HIVEP1: variants seen among roughly 807,000 people sequenced by gnomAD.
The protein encoded by HIVEP1 is zinc finger protein 40.
A neutral mutation model predicts 180.0 loss-of-function variants in HIVEP1; 36 were observed. The observed-to-expected ratio is 0.20, with a 90% CI of 0.15 to 0.26. The LOEUF is 0.26. HIVEP1 is among the 10% of genes least tolerant of loss of function. HIVEP1 has a pLI of 1.00. For synonymous variants in HIVEP1, 1,239 were observed against 1,239.0 expected, an observed-to-expected ratio of 1.00 and a Z score of 0.00; for missense variants, 3,143 against 3,268.7, an observed-to-expected ratio of 0.96 and a Z score of 0.94.
chr6:12,010,457 A>C (rs770630209), upstream of HIVEP1, among the ~76,000 whole-genome samples: 5 of 152,146 alleles, frequency 3.3e-5, no homozygotes, highest in Non-Finnish European at 5.9e-5. Flanking sequence ...TTAGGGGTCA[A>C]CTCCAGCAGG....
chr6:12,045,018 C>T (rs1329150794), intron 2 of HIVEP1, among the ~76,000 whole-genome samples: 1 of 152,222 alleles, frequency 6.6e-6, no homozygotes, highest in African/African-American at 2.4e-5. Flanking sequence ...TGTTTATTTT[C>T]TGGTTCTAGG....
intron 2 of HIVEP1, among the ~76,000 whole-genome samples, chr6:12,057,117 A>G (rs1256070644): frequency 6.6e-6 from 1 of 152,082 alleles, no homozygotes; most frequent in East Asian, 1.9e-4. Flanking sequence ...GTAAGCATAG[A>G]TTTTTCTGAT....
At chr6:12,138,496 A>G (rs192418738) in intron 7 of HIVEP1, among the ~76,000 whole-genome samples, 1 of 152,284 alleles carries the variant, frequency 6.6e-6, no homozygotes, top group African/African-American at 2.4e-5. Flanking sequence ...TGGAGGGTGC[A>G]CTGTTTCTAG....
At chr6:12,127,824 G>A (rs1416840347) in intron 4 of HIVEP1, among the ~76,000 whole-genome samples, 4 of 152,210 alleles carry the variant, frequency 2.6e-5, no homozygotes, top group African/African-American at 9.6e-5. Flanking sequence ...AAGGAGAGTT[G>A]TTAGGTCAAA....
chr6:12,054,391 T>G (rs546893601), intron 2 of HIVEP1, among the ~76,000 whole-genome samples: 84 of 152,314 alleles, frequency 5.5e-4, no homozygotes, highest in African/African-American at 1.7e-3. Context: ...CTATTAACAA[T>G]TTGATATCTT....
At chr6:12,057,374 C>T (rs1312456321) in intron 2 of HIVEP1, among the ~76,000 whole-genome samples, 1 of 152,138 alleles carries the variant, frequency 6.6e-6, no homozygotes, top group Non-Finnish European at 1.5e-5. Context: ...AAGAAGACCT[C>T]ATGCTTGAAA....
At chr6:12,031,763 G>C (rs1319348875) in intron 2 of HIVEP1, among the ~76,000 whole-genome samples, 1 of 152,180 alleles carries the variant, frequency 6.6e-6, no homozygotes, top group Non-Finnish European at 1.5e-5. Context: ...CCAGAGCGCT[G>C]ACAGTGGTGG....
At chr6:12,037,712 CT>C (rs370729066) in intron 2 of HIVEP1, 7,947 of 394,978 alleles carry the variant, frequency 0.02, 170 homozygotes, top group Middle Eastern at 0.083. Context: ...TTGTTTTTTC[CT>C]TTTTTTTTGT....
In HIVEP1 at chr6:12,070,343, G is replaced by A. The variant is rs541050288; in HGVS notation, c.41-18841G>A. ...TTTACACCAGCATCACCACAAATAC[G>A]TGATGACTGTGTTGCATTATGATGT... On this transcript the variant is annotated intron_variant, in intron 2 of 8. Coordinates refer to ENST00000379388, the MANE Select transcript of HIVEP1 (RefSeq NM_002114.4). Among the ~76,000 whole-genome samples the A allele has an allele frequency of 2.6e-5, 4 of 152,240 alleles. No homozygotes were observed. The East Asian group carries it at 5.8e-4, about 22-fold the overall frequency.
At chr6:12,156,428 GTCCAGTTTCAGTTT>G (rs1760051107) in intron 7 of HIVEP1, among the ~76,000 whole-genome samples, 1 of 152,068 alleles carries the variant, frequency 6.6e-6, no homozygotes, top group Admixed American at 6.5e-5. Flanking sequence ...TAAAGAAGGG[GTCCAGTTTCAGTTT>G]TCTGCATATG....
chr6:12,102,146 A>G (rs1774149007), intron 3 of HIVEP1, among the ~76,000 whole-genome samples: 1 of 152,152 alleles, frequency 6.6e-6, no homozygotes, highest in East Asian at 1.9e-4. Flanking sequence ...ATTCAACAAT[A>G]ACAGTTGGAG....
intron 2 of HIVEP1, among the ~76,000 whole-genome samples, chr6:12,048,487 A>C (rs1770285502): frequency 1.3e-5 from 2 of 152,148 alleles, no homozygotes; most frequent in Non-Finnish European, 2.9e-5. Flanking sequence ...ATCCCACCCC[A>C]AAATCTTACC....
Position 12,163,815 on chromosome 6 carries a change from C to A in HIVEP1, c.7511C>A (p.Thr2504Lys), listed in dbSNP as rs370150524. The change falls in exon 9 of 9, where the codon ACA becomes AAA. Residue 2504 changes from threonine (T) to lysine (K), a missense_variant. Thr to Lys is a moderately conservative substitution (Grantham distance 78). Coordinates refer to ENST00000379388, the MANE Select transcript of HIVEP1 (RefSeq NM_002114.4). ...GTCAATATTGTAGGCCTAGCCAATA[C>A]AAATATGGCCCCACAAGTCCATCCA... is the stretch of plus-strand genomic sequence containing the variant. ...ETVNIVGLANTNMAPQVHPPG... is the reference protein window; with the variant it reads ...ETVNIVGLANKNMAPQVHPPG... 1.1e-5 allele frequency: 17 copies of A among 1,614,050 alleles called. No individual in the cohort carries two copies. The highest frequency in any genetic ancestry group is 1.4e-5 in the Non-Finnish European group (16 of 1,180,040).
At chr6:12,073,582 A>G (rs1772132727) in intron 2 of HIVEP1, among the ~76,000 whole-genome samples, 1 of 151,530 alleles carries the variant, frequency 6.6e-6, no homozygotes, top group South Asian at 2.1e-4. Flanking sequence ...ATGTGGCCTC[A>G]CCTCCTTCGC....
At chr6:12,015,891 T>C (rs1767709486) in intron 2 of HIVEP1, among the ~76,000 whole-genome samples, 1 of 152,222 alleles carries the variant, frequency 6.6e-6, no homozygotes, top group African/African-American at 2.4e-5. Context: ...TTACAGTGCA[T>C]TCCTTCCAAA....
intron 7 of HIVEP1, among the ~76,000 whole-genome samples, chr6:12,150,424 T>C (rs1212937067): frequency 2.6e-5 from 4 of 152,246 alleles, no homozygotes; most frequent in Non-Finnish European, 4.4e-5. Context: ...AGCATTATTC[T>C]TGTTGGAGTT....
At chr6:12,128,233 C>T (rs566520209) in intron 4 of HIVEP1, among the ~76,000 whole-genome samples, 9 of 152,272 alleles carry the variant, frequency 5.9e-5, no homozygotes, top group South Asian at 4.1e-4. Context: ...CTAAATTATG[C>T]GGAAGCCAAT....
At chr6:12,040,259 C>G (rs1203006926) in intron 2 of HIVEP1, among the ~76,000 whole-genome samples, 1 of 152,070 alleles carries the variant, frequency 6.6e-6, no homozygotes, top group Non-Finnish European at 1.5e-5. Context: ...GCTTTTCCAC[C>G]AGGTGGTGCA....
At chr6:12,161,303 G>C (rs1488068805) in intron 7 of HIVEP1, 136 bp from the exon 8 acceptor site, 12 of 802,576 alleles carry the variant, frequency 1.5e-5, no homozygotes, top group Non-Finnish European at 2.2e-5. Flanking sequence ...TCTCAGCCAG[G>C]GCGGAGGCTC....
Sources: allele counts gnomAD v4.1 joint callset (sites outside exome capture counted in the v4.1 genomes callset), GRCh38; gene constraint gnomAD v4.1.1; transcripts MANE v1.5; gene names NCBI Gene and HGNC (gene_info 2026-07-23, HGNC 2026-07-21).